The following ANKRD11 variants were observed in gnomAD, a reference collection of about 807,000 sequenced individuals.
ANKRD11 encodes the protein ankyrin repeat domain-containing protein 11.
Under a neutral mutation model 195.7 loss-of-function variants are expected in ANKRD11, and 17 were observed. The observed-to-expected ratio is 0.09, with a 90% CI of 0.06 to 0.13. The LOEUF (loss-of-function observed/expected upper bound fraction) is 0.13, where lower values mean the gene tolerates loss of function less well. Ranked by LOEUF, ANKRD11 falls within the 10% of genes least tolerant of loss-of-function variation. The pLI, the probability that ANKRD11 is intolerant of heterozygous loss-of-function variation, is 1.00. For missense variants in ANKRD11, 3,735 were observed against 3,566.1 expected (o/e 1.05, Z -1.21); for synonymous variants, 1,953 against 1,528.1 (o/e 1.28, Z -6.49).
At chr16:89,446,613 CA>C (rs1440689676) in intron 1 of ANKRD11, among the ~76,000 whole-genome samples, 2 of 151,970 alleles carry the variant, frequency 1.3e-5, no homozygotes, top group East Asian at 3.9e-4. Flanking sequence ...CAAACAAAAA[CA>C]AAAACCAAAA....
At chr16:89,325,449 C>CCTCT (rs10641419) in intron 2 of ANKRD11, among the ~76,000 whole-genome samples, 2,847 of 139,472 alleles carry the variant, frequency 0.02, 43 homozygotes, top group African/African-American at 0.044. Context: ...TCTCCCCTCT[C>CCTCT]CTCTCTCTCT....
At chr16:89,316,152 G>A (rs903469541) in intron 3 of ANKRD11, among the ~76,000 whole-genome samples, 3 of 152,158 alleles carry the variant, frequency 2.0e-5, no homozygotes, top group South Asian at 2.1e-4. Flanking sequence ...TGCACAGCAA[G>A]GCCCTGCCTC....
intron 3 of ANKRD11, among the ~76,000 whole-genome samples, chr16:89,312,876 G>C (rs1266243150): frequency 6.6e-6 from 1 of 152,180 alleles, no homozygotes; most frequent in Non-Finnish European, 1.5e-5. Context: ...TACTTATCTT[G>C]AGGGACGTAG....
At chr16:89,337,100 T>C (rs952904676) in intron 2 of ANKRD11, among the ~76,000 whole-genome samples, 5 of 151,026 alleles carry the variant, frequency 3.3e-5, no homozygotes, top group African/African-American at 1.2e-4. Context: ...ATGGGAGGAT[T>C]GCTTGAACCT....
Position 89,284,618 on chromosome 16 carries a change from C to G in ANKRD11, c.1924G>C (p.Glu642Gln). 1 of 1,614,120 alleles carries G rather than the reference C, an allele frequency of 6.2e-7. No individual in the cohort carries two copies. Among genetic ancestry groups the G allele is most frequent in the South Asian group, 1.1e-5 (1 of 91,086 alleles). ...HKTKHKHKNKEKGQCSISQEL... is the reference protein window; with the variant it reads ...HKTKHKHKNKQKGQCSISQEL... ...TGGCTGATGGAACACTGTCCCTTCT[C>G]CTTGTTTTTGTGTTTGTGTTTTGTT... Residue 642 changes from glutamate (E) to glutamine (Q), a missense_variant, in exon 9 of 13, where the codon GAG (glutamate) becomes CAG (glutamine). Coordinates refer to ENST00000301030, the MANE Select transcript of ANKRD11 (RefSeq NM_013275.6).
At chr16:89,374,348 AT>A (rs774085016) in intron 2 of ANKRD11, among the ~76,000 whole-genome samples, 116 of 149,738 alleles carry the variant, frequency 7.7e-4, no homozygotes, top group African/African-American at 2.6e-3. Context: ...AAAAAAAATA[AT>A]AATAATAATA....
At chr16:89,488,396 G>A (rs2057691957) in intron 1 of ANKRD11, among the ~76,000 whole-genome samples, 1 of 151,730 alleles carries the variant, frequency 6.6e-6, no homozygotes, top group Non-Finnish European at 1.5e-5. Flanking sequence ...CCAACTATAC[G>A]AGATCCAATG....
chr16:89,351,029 C>A (rs1443509789), intron 2 of ANKRD11, among the ~76,000 whole-genome samples: 2 of 152,162 alleles, frequency 1.3e-5, no homozygotes, highest in Admixed American at 6.6e-5. Context: ...GATCACCTAA[C>A]AACGCATTTC....
chr16:89,382,004 T>C (rs1337821954), intron 2 of ANKRD11, among the ~76,000 whole-genome samples: 2 of 152,150 alleles, frequency 1.3e-5, no homozygotes, highest in Non-Finnish European at 2.9e-5. Context: ...AAAAGTGCTT[T>C]ACAAACCGTG....
rs756923105 is a variant in ANKRD11 at position 89,281,115 on chromosome 16, G to A, written c.5427C>T (p.Leu1809=). The change falls in exon 9 of 13, where the codon CTC becomes CTT. Residue 1809 remains leucine, a synonymous_variant. Transcript: ENST00000301030. The surrounding 1 kb of genome is among the most constrained non-coding windows in gnomAD (Gnocchi z 5.5). ...CAGCAGGAACGCTCTGCTGCCTGAAGAGCTTGTCTCCGACGCTGAATTCTT... is the reference window on the plus strand; with the variant it reads ...CAGCAGGAACGCTCTGCTGCCTGAAAAGCTTGTCTCCGACGCTGAATTCTT... ...PEEEFSVGDK[L]FRQQSVPAAS... The A allele has an allele frequency of 6.2e-7, 1 of 1,611,998 alleles. No homozygotes were observed. The highest frequency in any genetic ancestry group is 1.7e-5 in the Admixed American group (1 of 59,960).
intron 2 of ANKRD11, chr16:89,343,690 G>T (rs2152004626): frequency 6.6e-6 from 1 of 152,372 alleles, no homozygotes; most frequent in Non-Finnish European, 1.5e-5. Flanking sequence ...TACCTTCACA[G>T]ACCACGACTA....
chr16:89,411,225 G>C (rs1189444812), intron 2 of ANKRD11, among the ~76,000 whole-genome samples: 1 of 152,236 alleles, frequency 6.6e-6, no homozygotes, highest in Non-Finnish European at 1.5e-5. Flanking sequence ...CGTGTGTGCT[G>C]GTGCCACCAC....
At chr16:89,411,465 G>GT (rs2042108689) in intron 2 of ANKRD11, among the ~76,000 whole-genome samples, 1 of 152,186 alleles carries the variant, frequency 6.6e-6, no homozygotes, top group Non-Finnish European at 1.5e-5. Flanking sequence ...TAGAGCTGGA[G>GT]TGCAGTGGTG....
chr16:89,380,023 G>A (rs2040577603), intron 2 of ANKRD11, among the ~76,000 whole-genome samples: 1 of 152,142 alleles, frequency 6.6e-6, no homozygotes, highest in South Asian at 2.1e-4. Flanking sequence ...CCAGGTCCAA[G>A]TATCAATGGG....
chr16:89,398,543 C>T (rs1450915267), intron 2 of ANKRD11, among the ~76,000 whole-genome samples: 1 of 152,024 alleles, frequency 6.6e-6, no homozygotes, highest in Non-Finnish European at 1.5e-5. Flanking sequence ...ACAGGGAGAC[C>T]CCATCTCTTA....
chr16:89,298,879 G>C (rs2035628875), intron 4 of ANKRD11: 1 of 152,230 alleles, frequency 6.6e-6, no homozygotes, highest in African/African-American at 2.4e-5. Context: ...TCTTAATCAT[G>C]TGAAAATATT....
chr16:89,335,253 C>G (rs959160253), intron 2 of ANKRD11, among the ~76,000 whole-genome samples: 1 of 152,274 alleles, frequency 6.6e-6, no homozygotes, highest in East Asian at 1.9e-4. Flanking sequence ...CAGCCTCACA[C>G]CACCCCTGTT....
intron 1 of ANKRD11, chr16:89,458,811 C>T (rs149154819): frequency 6.6e-6 from 1 of 152,316 alleles, no homozygotes; most frequent in African/African-American, 2.4e-5. Flanking sequence ...TAGGCCTCAG[C>T]TTCCTGCTGC....
chr16:89,313,970 T>G (rs1007010643), intron 3 of ANKRD11, among the ~76,000 whole-genome samples: 5 of 152,240 alleles, frequency 3.3e-5, no homozygotes, highest in African/African-American at 1.2e-4. Flanking sequence ...CTGGGTGTGG[T>G]AGTTCACGCC....
Sources: gnomAD v4.1 joint callset for allele counts (sites outside exome capture counted in the v4.1 genomes callset) on GRCh38, gnomAD v4.1.1 for gene constraint, Gnocchi (gnomAD v3.1) non-coding constraint, MANE v1.5 for transcripts, NCBI Gene and HGNC (gene_info 2026-07-23, HGNC 2026-07-21) for gene names.